The following ABR variants were observed in gnomAD, a reference collection of about 807,000 sequenced individuals.
ABR encodes the protein active breakpoint cluster region-related protein.
In ABR, 35 loss-of-function variants were observed where a neutral mutation model predicts 107.2. The ratio of observed to expected loss-of-function variants is 0.33; its 90% CI spans 0.25 to 0.43. The LOEUF is 0.43. Among genes scored for constraint, ABR ranks in the 20% least tolerant of loss-of-function variants. The probability of loss-of-function intolerance (pLI) is 1.00; values close to 1 mark genes in which losing one functional copy is unlikely to be tolerated. For missense variants in ABR, 815 were observed against 1,115.2 expected (o/e 0.73, Z 3.83); for synonymous variants, 498 against 462.0 (o/e 1.08, Z -1.00).
intron 1 of ABR, among the ~76,000 whole-genome samples, chr17:1,208,553 T>C (rs540912363): frequency 6.6e-6 from 1 of 152,218 alleles, no homozygotes; most frequent in Non-Finnish European, 1.5e-5. Flanking sequence ...AGAGAAGTGC[T>C]GACCACTGCT....
Position 1,051,456 on chromosome 17 carries a change from G to A in ABR, c.1562-822C>T, listed in dbSNP as rs961670359. On this transcript the variant is annotated intron_variant, in intron 14 of 22. Coordinates refer to ENST00000302538, the MANE Select transcript of ABR (RefSeq NM_021962.5). The surrounding 1 kb of genome is among the most constrained non-coding windows in gnomAD (Gnocchi z 4.3). ...GAGGGCAGGGCCGGGGGCTTTCCCCGGCATTTCCATCTTCCACCCTGGCCT... is the reference window on the plus strand; with the variant it reads ...GAGGGCAGGGCCGGGGGCTTTCCCCAGCATTTCCATCTTCCACCCTGGCCT... 7.9e-5 allele frequency among the ~76,000 whole-genome samples: 12 copies of A among 152,078 alleles called. No homozygotes were observed. Among genetic ancestry groups the A allele is most frequent in the Admixed American group, 2.0e-4 (3 of 15,266 alleles).
intron 1 of ABR, among the ~76,000 whole-genome samples, chr17:1,198,824 T>TG (rs112925420): frequency 1 from 145,894 of 145,950 alleles, 72,919 homozygotes; most frequent in East Asian, 1. Context: ...TTAATAGAGG[T>TG]GGGTTTCACC....
chr17:1,044,608 G>A (rs979278951), intron 16 of ABR, among the ~76,000 whole-genome samples: 2 of 150,942 alleles, frequency 1.3e-5, no homozygotes, highest in African/African-American at 2.4e-5. Flanking sequence ...CCAAGATTGC[G>A]CCATTGCACT....
intron 16 of ABR, among the ~76,000 whole-genome samples, chr17:1,025,078 C>T (rs532480287): frequency 5.0e-5 from 6 of 118,948 alleles, no homozygotes; most frequent in South Asian, 2.9e-4. Flanking sequence ...GCCAAGATTG[C>T]GCCACTGCAC....
chr17:1,047,883 C>T (rs1452734334), intron 16 of ABR, among the ~76,000 whole-genome samples: 3 of 152,172 alleles, frequency 2.0e-5, no homozygotes, highest in Non-Finnish European at 4.4e-5. Flanking sequence ...AATGTGCCCT[C>T]GGGCCTTGGG....
In ABR at chr17:1,080,007, G is replaced by A. The variant is rs150166760; in HGVS notation, c.640-617C>T. ...GGAGCCCTGTGATTACAGGAACCCC[G>A]ACTCAGGAACCCTACACGTCGGCCA... is the stretch of plus-strand genomic sequence containing the variant. On this transcript the variant is annotated intron_variant, in intron 5 of 22. Coordinates refer to ENST00000302538, the MANE Select transcript of ABR (RefSeq NM_021962.5). 2.1e-3 allele frequency among the ~76,000 whole-genome samples: 320 copies of A among 151,860 alleles called. 10 individuals carry two copies. In the East Asian group the frequency reaches 0.044, roughly 21 times the overall value.
chr17:1,089,924 C>T (rs532967853), intron 4 of ABR, among the ~76,000 whole-genome samples: 4 of 152,334 alleles, frequency 2.6e-5, no homozygotes, highest in Admixed American at 2.6e-4. Flanking sequence ...CACGCCACTG[C>T]ACTCCAGCCT....
At chr17:1,191,434 T>G (rs2042433227), upstream of ABR, among the ~76,000 whole-genome samples, 1 of 141,446 alleles carries the variant, frequency 7.1e-6, no homozygotes, top group Non-Finnish European at 1.5e-5. Context: ...CTCAGCTCAC[T>G]GCAACCTCCA....
At chr17:1,158,945 C>A (rs902796955) in intron 1 of ABR, among the ~76,000 whole-genome samples, 1 of 152,186 alleles carries the variant, frequency 6.6e-6, no homozygotes, top group South Asian at 2.1e-4. Context: ...AAGGCTGAAG[C>A]CTGTTCAGAC....
chr17:1,179,902 G>C lies in ABR; in HGVS notation c.-175C>G. 1 of 569,756 alleles carries C rather than the reference G, an allele frequency of 1.8e-6. No homozygotes were observed. 35.3% of individuals were successfully genotyped at this position (569,756 alleles called of 1,614,324 possible). Reference sequence around the variant, plus strand: ...CCGGGGCAGGGGCGAGGGCGGGGCGGGAGCCCCCAAAACCCTCCCGAACCC... The same window carrying C: ...CCGGGGCAGGGGCGAGGGCGGGGCGCGAGCCCCCAAAACCCTCCCGAACCC... On this transcript the variant is annotated 5_prime_UTR_variant, in exon 1 of 23. Coordinates refer to ENST00000302538, the MANE Select transcript of ABR (RefSeq NM_021962.5). This position sits in a 1 kb window ranked among gnomAD's most constrained non-coding sequence, Gnocchi z 4.9.
chr17:1,012,398 C>T (rs2070677530), intron 18 of ABR: 2 of 667,616 alleles, frequency 3.0e-6, no homozygotes, highest in Non-Finnish European at 5.5e-6. Flanking sequence ...TGGTGCCGAG[C>T]CCAAACGTAG....
chr17:1,185,295 C>T (rs1292489878), intron 1 of ABR, among the ~76,000 whole-genome samples: 1 of 152,164 alleles, frequency 6.6e-6, no homozygotes, highest in East Asian at 1.9e-4. Context: ...CCCACTTCTT[C>T]AATGCCTCCG....
chr17:1,116,737 C>T (rs1036321522), intron 2 of ABR, among the ~76,000 whole-genome samples: 14 of 152,002 alleles, frequency 9.2e-5, no homozygotes, highest in Admixed American at 9.2e-4. Context: ...ATCTACTAAA[C>T]GGGGGCAGCC....
chr17:1,128,530 A>G (rs892311956), intron 1 of ABR, among the ~76,000 whole-genome samples: 5 of 152,274 alleles, frequency 3.3e-5, no homozygotes, highest in Admixed American at 1.3e-4. Flanking sequence ...ACAAGATGTT[A>G]CAGGGATATG....
Position 1,104,255 on chromosome 17 carries a change from T to C in ABR, c.247-3520A>G, listed in dbSNP as rs967983655. On this transcript the variant is annotated intron_variant, in intron 2 of 22. Transcript: ENST00000302538. Reference sequence around the variant, plus strand: ...TCTGCTAGGCTGACAGTGTGGCAGCTTGAAGCCGCCAAACCAAAGACGTCA... The same window carrying C: ...TCTGCTAGGCTGACAGTGTGGCAGCCTGAAGCCGCCAAACCAAAGACGTCA... 1.4e-4 allele frequency among the ~76,000 whole-genome samples: 21 copies of C among 152,310 alleles called. 2 individuals are homozygous for C. Among genetic ancestry groups the C allele is most frequent in the East Asian group, 5.8e-4 (3 of 5,184 alleles).
chr17:1,127,183 A>T (rs2039639322), intron 1 of ABR, among the ~76,000 whole-genome samples: 2 of 152,174 alleles, frequency 1.3e-5, no homozygotes, highest in Admixed American at 6.5e-5. Context: ...GACATGGACT[A>T]GTTTTTTCCC....
At chr17:1,132,018 A>G (rs149292293) in intron 1 of ABR, among the ~76,000 whole-genome samples, 2,587 of 119,124 alleles carry the variant, frequency 0.022, 96 homozygotes, top group African/African-American at 0.088. Context: ...CCTGCCACGC[A>G]CACAGCTCCC....
intron 1 of ABR, among the ~76,000 whole-genome samples, chr17:1,197,996 C>T (rs943064520): frequency 2.0e-5 from 3 of 151,714 alleles, no homozygotes; most frequent in African/African-American, 4.9e-5. Context: ...CCCGGCTGGC[C>T]GCAGCCCCAC....
At chr17:1,062,126 A>G (rs1247215838) in intron 10 of ABR, among the ~76,000 whole-genome samples, 1 of 152,166 alleles carries the variant, frequency 6.6e-6, no homozygotes, top group African/African-American at 2.4e-5. Context: ...CAAGCTGACC[A>G]AACCGCTCCA....
Sources: allele counts gnomAD v4.1 joint callset (sites outside exome capture counted in the v4.1 genomes callset), GRCh38; gene constraint gnomAD v4.1.1; non-coding constraint Gnocchi (gnomAD v3.1); transcripts MANE v1.5; gene names NCBI Gene and HGNC (gene_info 2026-07-23, HGNC 2026-07-21).